The following NFAT5 variants were observed in gnomAD, a reference collection of about 807,000 sequenced individuals.
The protein encoded by NFAT5 is nuclear factor of activated T-cells 5.
NFAT5 carries 31 observed loss-of-function variants against 166.5 expected under a neutral mutation model. The ratio of observed to expected loss-of-function variants is 0.19; its 90% CI spans 0.14 to 0.25. The LOEUF (loss-of-function observed/expected upper bound fraction) is 0.25. NFAT5 is among the 10% of genes least tolerant of loss of function. NFAT5 has a pLI of 1.00. For synonymous variants in NFAT5, 612 were observed against 639.7 expected, an observed-to-expected ratio of 0.96 and a Z score of 0.65; for missense variants, 1,449 against 1,821.8, an observed-to-expected ratio of 0.80 and a Z score of 3.72.
intron 7 of NFAT5, among the ~76,000 whole-genome samples, chr16:69,665,154 T>G (rs930560235): frequency 6.6e-6 from 1 of 152,184 alleles, no homozygotes; most frequent in African/African-American, 2.4e-5. Context: ...AGAAAGGACC[T>G]TTTAAAAGGC....
At chr16:69,630,413 C>A (rs900590830) in intron 3 of NFAT5, among the ~76,000 whole-genome samples, 3 of 152,112 alleles carry the variant, frequency 2.0e-5, no homozygotes, top group Non-Finnish European at 4.4e-5. Flanking sequence ...TCAAGCAGTT[C>A]TCCTACCTTG....
At position 69,586,811 on chromosome 16, in the gene NFAT5, A is replaced by G. The variant is rs533531102; in HGVS notation, c.127+18263A>G. Among the ~76,000 whole-genome samples, 86 of 152,348 alleles carry G rather than the reference A, an allele frequency of 5.6e-4. 3 individuals are homozygous for G. The South Asian group carries it at 0.017, about 30-fold the overall frequency. Reference sequence around the variant, plus strand: ...GTAGCAATAGGATTGCAGTTTTCTAATAAATATCACAGAATTATGGCAGTG... The same window carrying G: ...GTAGCAATAGGATTGCAGTTTTCTAGTAAATATCACAGAATTATGGCAGTG... On this transcript the variant is annotated intron_variant, in intron 2 of 14. Transcript: ENST00000349945.
rs1404438582 is a variant in NFAT5, at chr16:69,659,131, T to TA, written c.1197-596_1197-595insA. Among the ~76,000 whole-genome samples the TA allele has an allele frequency of 1.5e-3, 210 of 141,078 alleles. 1 individual carries two copies. The highest frequency in any genetic ancestry group is 4.5e-3 in the African/African-American group (176 of 38,904). The allele number at this position is 141,078 out of a possible 152,430, so 92.6% of individuals were successfully genotyped here. On this transcript the variant is annotated intron_variant, in intron 6 of 14. Coordinates refer to ENST00000349945, the MANE Select transcript of NFAT5 (RefSeq NM_138713.4). ...AAGAGACTAAATGTATTTTTTTATT[T>TA]TTTTTTTTTTTTTAAAAAAAAGGTC...
chr16:69,657,254 C>A (rs2151639936), intron 6 of NFAT5, among the ~76,000 whole-genome samples: 1 of 151,718 alleles, frequency 6.6e-6, no homozygotes, highest in Non-Finnish European at 1.5e-5. Context: ...CCTCAGCCTC[C>A]CGAGTAGCTT....
At chr16:69,635,493 T>C (rs2034923647) in intron 3 of NFAT5, among the ~76,000 whole-genome samples, 1 of 152,254 alleles carries the variant, frequency 6.6e-6, no homozygotes. Context: ...TATTCTGTCA[T>C]GTTGACACTC....
At chr16:69,610,509 C>T (rs1033553884) in intron 2 of NFAT5, among the ~76,000 whole-genome samples, 22 of 152,034 alleles carry the variant, frequency 1.4e-4, no homozygotes, top group African/African-American at 4.8e-4. Flanking sequence ...ATGTGCCAGG[C>T]ATAATAATAT....
At chr16:69,645,573 A>G (rs1169950813) in intron 3 of NFAT5, among the ~76,000 whole-genome samples, 1 of 152,122 alleles carries the variant, frequency 6.6e-6, no homozygotes, top group Non-Finnish European at 1.5e-5. Flanking sequence ...GATCTTTGGC[A>G]CTTGGCTTTT....
chr16:69,702,496 C>G lies in NFAT5; in HGVS notation c.*6145C>G, dbSNP rs1168930185. The G allele has an allele frequency of 2.6e-5, 4 of 152,192 alleles. No homozygotes were observed. The highest frequency in any genetic ancestry group is 9.7e-5 in the African/African-American group (4 of 41,446). The allele number at this position is 152,192 out of a possible 1,614,324, so 9.4% of individuals were successfully genotyped here. ...TGTATATAAGAACATTACAATATATCTTTTTCTACATATGTAGTATGTGCA... is the reference window on the plus strand; with the variant it reads ...TGTATATAAGAACATTACAATATATGTTTTTCTACATATGTAGTATGTGCA... On this transcript the variant is annotated 3_prime_UTR_variant, in exon 15 of 15. Transcript: ENST00000349945.
At chr16:69,627,412 G>C (rs1048803502) in intron 3 of NFAT5, among the ~76,000 whole-genome samples, 6 of 144,636 alleles carry the variant, frequency 4.1e-5, no homozygotes, top group Middle Eastern at 4.3e-3. Flanking sequence ...CTAATTAGAG[G>C]TTTCTTGCCT....
rs1349523389 is a variant in NFAT5 at position 69,626,418 on chromosome 16, T to G, written c.143T>G (p.Leu48Arg). The change falls in exon 3 of 15, where the codon CTT (leucine) becomes CGT (arginine). Residue 48 changes from leucine to arginine, a missense_variant. Transcript: ENST00000349945. ...AGLLEESVYD[L>R]LPKELQLPPS... ...CTCCCCACAGAATCTGTCTATGATC[T>G]TCTCCCAAAGGAGTTACAGTTACCT... 6.3e-7 allele frequency: 1 copy of G among 1,578,230 alleles called. No individual in the cohort carries two copies. Among genetic ancestry groups the G allele is most frequent in the Non-Finnish European group, 8.6e-7 (1 of 1,165,554 alleles).
rs2037899645 is a variant in NFAT5 at position 69,701,594 on chromosome 16, A to T, written c.*5243A>T. 2 of 152,516 alleles carry T rather than the reference A, an allele frequency of 1.3e-5. No individual in the cohort carries two copies. The highest frequency in any genetic ancestry group is 1.3e-4 in the Admixed American group (2 of 15,278). 9.4% of individuals were successfully genotyped at this position (152,516 alleles called of 1,614,324 possible). On this transcript the variant is annotated 3_prime_UTR_variant, in exon 15 of 15. Coordinates refer to ENST00000349945, the MANE Select transcript of NFAT5 (RefSeq NM_138713.4). ...TACAGAATTAGACTGTTCAGCCTTT[A>T]TATAAACTAAATTTGTCTTCATCTC...
chr16:69,645,991 T>A (rs2035423856), intron 3 of NFAT5, among the ~76,000 whole-genome samples: 1 of 152,214 alleles, frequency 6.6e-6, no homozygotes, highest in Admixed American at 6.5e-5. Flanking sequence ...TAAATAGTTT[T>A]ATAAAAAATA....
At position 69,692,997 on chromosome 16, in the gene NFAT5, C is replaced by G; in HGVS notation, c.3172C>G (p.Gln1058Glu). Residue 1058 changes from glutamine to glutamate, a missense_variant, in exon 13 of 15, where the codon CAA (glutamine) becomes GAA (glutamate). By Grantham distance (29) the Gln-to-Glu change is conservative. Transcript: ENST00000349945. The stretch of plus-strand genomic sequence containing the variant: ...GAGTGTTCAGAATAGTGGTACCCAA[C>G]AACAAGGTAATGGTTTATTCCAGCA... ...MMSVQNSGTQ[Q>E]QGNGLFQQGN... is the part of the protein sequence containing the mutation. The G allele has an allele frequency of 6.2e-7, 1 of 1,614,094 alleles. No homozygotes were observed. The highest frequency in any genetic ancestry group is 8.5e-7 in the Non-Finnish European group (1 of 1,180,034).
At chr16:69,648,889 A>T (rs1248378542) in intron 4 of NFAT5, 1 of 941,014 alleles carries the variant, frequency 1.1e-6, no homozygotes, top group East Asian at 1.2e-4. Flanking sequence ...ACTTGCCCTT[A>T]AGCACTCCCT....
rs2037898132 is a variant in NFAT5, at chr16:69,701,501, C to T, written c.*5150C>T. 1 of 152,564 alleles carries T rather than the reference C, an allele frequency of 6.6e-6. No homozygotes were observed. The allele number at this position is 152,564 out of a possible 1,614,324, so 9.5% of individuals were successfully genotyped here. A position where few individuals can be genotyped will look rare whatever the true frequency, so the allele number is the denominator to read the frequency against. On this transcript the variant is annotated 3_prime_UTR_variant, in exon 15 of 15. Transcript: ENST00000349945. ...TTAAACCTTCTTTTCTCCATTTCTT[C>T]CCTTTGGCTTAAGAATAAAAGAAAA...
At position 69,655,836 on chromosome 16, in the gene NFAT5, A is replaced by G. The variant is rs1486884628; in HGVS notation, c.1196+37A>G. 5.3e-6 allele frequency: 8 copies of G among 1,506,112 alleles called. No individual in the cohort carries two copies. The African/African-American group carries it at 8.3e-5, about 16-fold the overall frequency. 93.3% of individuals were successfully genotyped at this position (1,506,112 alleles called of 1,614,324 possible). On this transcript the variant is annotated intron_variant, in intron 6 of 14. Transcript: ENST00000349945. ...GTAAGAATTTTTCATTATACATTAC[A>G]CTCTTGTGTTAGGCAGAATTGTTCA...
At chr16:69,648,996 A>G in intron 4 of NFAT5, 1 of 967,290 alleles carries the variant, frequency 1.0e-6, no homozygotes, top group Non-Finnish European at 1.2e-6. Flanking sequence ...ATGAAAATGA[A>G]TATTTAAATG....
At chr16:69,595,582 G>A (rs188795274) in intron 2 of NFAT5, among the ~76,000 whole-genome samples, 55 of 152,276 alleles carry the variant, frequency 3.6e-4, no homozygotes, top group African/African-American at 1.3e-3. Flanking sequence ...GCTGTTTGAG[G>A]TGTGGCAGCA....
At chr16:69,599,245 G>A (rs575033512) in intron 2 of NFAT5, among the ~76,000 whole-genome samples, 1 of 152,146 alleles carries the variant, frequency 6.6e-6, no homozygotes, top group East Asian at 1.9e-4. Flanking sequence ...CACTTTAAAA[G>A]GGTGGAACTT....
Sources: allele counts gnomAD v4.1 joint callset (sites outside exome capture counted in the v4.1 genomes callset), GRCh38; gene constraint gnomAD v4.1.1; transcripts MANE v1.5; gene names NCBI Gene and HGNC (gene_info 2026-07-23, HGNC 2026-07-21).